Variants in PKP2 observed in about 807,000 individuals in gnomAD.
The protein encoded by PKP2 is plakophilin 2, also known as plakophilin-2.
Under a neutral mutation model 83.4 loss-of-function variants are expected in PKP2, and 73 were observed. The ratio of observed to expected loss-of-function variants is 0.88; its 90% CI spans 0.72 to 1.06. The LOEUF (loss-of-function observed/expected upper bound fraction) is 1.06, where lower values mean the gene tolerates loss of function less well. PKP2 is among the 50% of genes least tolerant of loss of function. PKP2 has a pLI of 0.00. For missense variants in PKP2, 966 were observed against 1,065.4 expected (o/e 0.91, Z 1.30); for synonymous variants, 409 against 430.4 (o/e 0.95, Z 0.62).
At chr12:32,856,712 C>T (rs1956752982) in intron 4 of PKP2, among the ~76,000 whole-genome samples, 1 of 151,814 alleles carries the variant, frequency 6.6e-6, no homozygotes, top group South Asian at 2.1e-4. Context: ...TGTAACAAAC[C>T]TGCACGTTGT....
chr12:32,843,366 C>T, intron 5 of PKP2: 3 of 1,339,882 alleles, frequency 2.2e-6, no homozygotes, highest in Non-Finnish European at 2.0e-6. Flanking sequence ...CCTTTATGAA[C>T]ACAGCAAATG....
At chr12:32,841,509 G>A (rs1170292595) in intron 5 of PKP2, among the ~76,000 whole-genome samples, 1 of 152,168 alleles carries the variant, frequency 6.6e-6, no homozygotes, top group Non-Finnish European at 1.5e-5. Flanking sequence ...CTCCTAAAGG[G>A]CCCTACCACA....
chr12:32,817,642 C>CTTTTTTTAATGT (rs1956332368), intron 9 of PKP2, among the ~76,000 whole-genome samples: 1 of 152,146 alleles, frequency 6.6e-6, no homozygotes, highest in Non-Finnish European at 1.5e-5. Flanking sequence ...TAAGGCTAGT[C>CTTTTTTTAATGT]CTTTTTGTGT....
At chr12:32,887,673 A>G (rs1957041917) in intron 1 of PKP2, among the ~76,000 whole-genome samples, 1 of 152,174 alleles carries the variant, frequency 6.6e-6, no homozygotes, top group Admixed American at 6.5e-5. Flanking sequence ...GCTGGCCTCA[A>G]ACTCCTGGCC....
intron 2 of PKP2, 88 bp downstream of exon 2, chr12:32,878,832 G>A: frequency 1.2e-6 from 1 of 833,712 alleles, no homozygotes. Flanking sequence ...CTTGGGAAAA[G>A]TAAACACTCA....
intron 3 of PKP2, among the ~76,000 whole-genome samples, chr12:32,873,721 G>C (rs1956911810): frequency 6.6e-6 from 1 of 152,004 alleles, no homozygotes; most frequent in African/African-American, 2.4e-5. Flanking sequence ...GTAGAGACGG[G>C]TTTTCACCAT....
At chr12:32,887,985 GC>G (rs956228981) in intron 1 of PKP2, among the ~76,000 whole-genome samples, 19 of 152,160 alleles carry the variant, frequency 1.2e-4, no homozygotes, top group African/African-American at 3.6e-4. Flanking sequence ...TTTGAGACCA[GC>G]CTGGGCAAAA....
At chr12:32,843,782 C>T (rs2137839882) in intron 5 of PKP2, among the ~76,000 whole-genome samples, 1 of 152,172 alleles carries the variant, frequency 6.6e-6, no homozygotes, top group South Asian at 2.1e-4. Flanking sequence ...GGAAGAGGGA[C>T]AGATAAAACT....
chr12:32,840,984 T>C, intron 6 of PKP2, 44 bp downstream of exon 6: 1 of 1,518,560 alleles, frequency 6.6e-7, no homozygotes, highest in Non-Finnish European at 9.1e-7. Context: ...GCTACCTAAT[T>C]TTTTATTGCA....
At chr12:32,871,978 C>T (rs1329262744) in intron 3 of PKP2, among the ~76,000 whole-genome samples, 1 of 152,098 alleles carries the variant, frequency 6.6e-6, no homozygotes, top group African/African-American at 2.4e-5. Context: ...GTCTTCCTCC[C>T]TCCTTCTCTC....
At chr12:32,815,478 C>T (rs1223487538) in intron 9 of PKP2, among the ~76,000 whole-genome samples, 1 of 152,188 alleles carries the variant, frequency 6.6e-6, no homozygotes, top group African/African-American at 2.4e-5. Context: ...GTACCTTCCA[C>T]ATGATAGGTC....
chr12:32,823,374 A>T (rs1735393209), intron 7 of PKP2, among the ~76,000 whole-genome samples: 1 of 141,500 alleles, frequency 7.1e-6, no homozygotes, highest in Non-Finnish European at 1.5e-5. Context: ...CTGAGATCGC[A>T]CCACTGCACT....
chr12:32,841,226 C>T (rs1956588963), intron 5 of PKP2, 21 bp from the exon 6 acceptor site: 2 of 1,606,060 alleles, frequency 1.2e-6, no homozygotes, highest in Non-Finnish European at 1.7e-6. Context: ...ACAGAGTTAC[C>T]ATGAAAACAG....
chr12:32,862,895 A>T (rs1226520737), intron 4 of PKP2, among the ~76,000 whole-genome samples: 4 of 151,982 alleles, frequency 2.6e-5, no homozygotes. Flanking sequence ...GCTATTCGGG[A>T]GGTTGAGTCA....
chr12:32,814,476 C>T lies in PKP2; in HGVS notation c.2013+6880G>A, dbSNP rs571612196. Among the ~76,000 whole-genome samples the T allele has an allele frequency of 1.2e-4, 18 of 152,242 alleles. 1 individual carries two copies. The South Asian group carries it at 3.7e-3, about 32-fold the overall frequency. On this transcript the variant is annotated intron_variant, in intron 9 of 12. Coordinates refer to ENST00000340811, the MANE Select transcript of PKP2 (RefSeq NM_001005242.3). ...TGAACATAGTTTCCCGTTCTCCCTG[C>T]TCTCCCTCCCTCCCTCCTACCATGT...
chr12:32,812,567 A>T (rs2137750699), intron 9 of PKP2, among the ~76,000 whole-genome samples: 1 of 152,132 alleles, frequency 6.6e-6, no homozygotes, highest in South Asian at 2.1e-4. Context: ...CAGTGGCATG[A>T]TCTTGGCTCA....
chr12:32,849,324 C>A (rs1956676548), intron 5 of PKP2, among the ~76,000 whole-genome samples: 1 of 152,304 alleles, frequency 6.6e-6, no homozygotes. Flanking sequence ...TCAAGCAATC[C>A]TCCCACCTCA....
intron 1 of PKP2, among the ~76,000 whole-genome samples, chr12:32,881,627 G>A (rs1373172194): frequency 1.3e-5 from 2 of 152,066 alleles, no homozygotes; most frequent in African/African-American, 2.4e-5. Context: ...ATTATTATAA[G>A]TAAGTTGAAA....
intron 9 of PKP2, among the ~76,000 whole-genome samples, chr12:32,814,823 GC>G (rs1956305822): frequency 6.6e-6 from 1 of 151,966 alleles, no homozygotes; most frequent in Admixed American, 6.6e-5. Context: ...TACTTGGGAG[GC>G]TGAGGTAGGA....
Sources: gnomAD v4.1 joint callset for allele counts (sites outside exome capture counted in the v4.1 genomes callset) on GRCh38, gnomAD v4.1.1 for gene constraint, MANE v1.5 for transcripts, NCBI Gene and HGNC (gene_info 2026-07-23, HGNC 2026-07-21) for gene names.